The following FHOD3 variants were observed in gnomAD, a reference collection of about 807,000 sequenced individuals.
FHOD3 encodes the protein FH1/FH2 domain-containing protein 3.
In FHOD3, 90 loss-of-function variants were observed where a neutral mutation model predicts 173.0. That is an observed-to-expected ratio of 0.52 (90% CI 0.44 to 0.62). FHOD3 has a LOEUF of 0.62. FHOD3 is among the 20% of genes least tolerant of loss of function. The probability of loss-of-function intolerance (pLI) is 0.00; values close to 1 mark genes in which losing one functional copy is unlikely to be tolerated. For missense variants in FHOD3, 1,945 were observed against 2,034.7 expected, an observed-to-expected ratio of 0.96 and a Z score of 0.85; for synonymous variants, 828 against 823.0, an observed-to-expected ratio of 1.01 and a Z score of -0.10.
In FHOD3 at chr18:36,598,840, C is replaced by T. The variant is rs564699458; in HGVS notation, c.719-3834C>T. 4.6e-5 allele frequency among the ~76,000 whole-genome samples: 7 copies of T among 152,316 alleles called. No homozygotes were observed. The South Asian group carries it at 1.2e-3, about 27-fold the overall frequency. Reference sequence around the variant, plus strand: ...CTGGGATTACAGGCGTGAGCCACCGCGCCTGGCCAAAGAAGGAAAATTTAA... The same window carrying T: ...CTGGGATTACAGGCGTGAGCCACCGTGCCTGGCCAAAGAAGGAAAATTTAA... On this transcript the variant is annotated intron_variant, in intron 7 of 28. Transcript: ENST00000590592.
intron 27 of FHOD3, among the ~76,000 whole-genome samples, chr18:36,764,664 T>C (rs750396805): frequency 2.0e-5 from 3 of 152,126 alleles, no homozygotes; most frequent in Non-Finnish European, 4.4e-5. Context: ...CGAGAAAAGA[T>C]GTTGGTGGGT....
chr18:36,671,192 T>A (rs374990434), intron 14 of FHOD3, among the ~76,000 whole-genome samples: 1 of 152,252 alleles, frequency 6.6e-6, no homozygotes, highest in African/African-American at 2.4e-5. Flanking sequence ...TATGTTACCC[T>A]GCCAGTGTTA....
chr18:36,422,807 C>G (rs1337203452), intron 3 of FHOD3, among the ~76,000 whole-genome samples: 1 of 152,220 alleles, frequency 6.6e-6, no homozygotes, highest in African/African-American at 2.4e-5. Flanking sequence ...TTAATTTAAG[C>G]ATTGACTGAA....
chr18:36,646,229 A>G (rs1372760551), intron 10 of FHOD3, among the ~76,000 whole-genome samples: 2 of 151,446 alleles, frequency 1.3e-5, no homozygotes, highest in Non-Finnish European at 2.9e-5. Context: ...AATTTACAAA[A>G]AGTTTATTTC....
chr18:36,581,377 C>T (rs563248123), intron 6 of FHOD3, among the ~76,000 whole-genome samples: 130 of 152,280 alleles, frequency 8.5e-4, no homozygotes, highest in African/African-American at 2.9e-3. Flanking sequence ...CTCTTTTGGC[C>T]CAAGGGGAAG....
intron 5 of FHOD3, among the ~76,000 whole-genome samples, chr18:36,562,762 T>C (rs1328452903): frequency 6.6e-6 from 1 of 152,210 alleles, no homozygotes; most frequent in East Asian, 1.9e-4. Context: ...TAGTTTGGTT[T>C]AGCATTGAGC....
intron 4 of FHOD3, among the ~76,000 whole-genome samples, chr18:36,508,646 C>CAAA (rs56780791): frequency 4.5e-4 from 49 of 109,080 alleles, no homozygotes; most frequent in South Asian, 4.1e-3. Context: ...AATGGATTGA[C>CAAA]AAAAAAAAAA....
At chr18:36,429,429 C>G (rs531643585) in intron 3 of FHOD3, among the ~76,000 whole-genome samples, 2 of 152,100 alleles carry the variant, frequency 1.3e-5, no homozygotes, top group Non-Finnish European at 2.9e-5. Flanking sequence ...GCTCCAGGTA[C>G]GGGTGGGGGC....
chr18:36,681,657 A>G, intron 15 of FHOD3, 87 bp downstream of exon 15: 4 of 1,396,226 alleles, frequency 2.9e-6, no homozygotes, highest in Non-Finnish European at 3.9e-6. Flanking sequence ...TAATATTGGC[A>G]TTAAAGGAAG....
At chr18:36,693,880 A>C (rs2039106610) in intron 17 of FHOD3, among the ~76,000 whole-genome samples, 1 of 152,216 alleles carries the variant, frequency 6.6e-6, no homozygotes, top group Non-Finnish European at 1.5e-5. Flanking sequence ...GTGAAAATAG[A>C]AGGTAAATAT....
intron 3 of FHOD3, among the ~76,000 whole-genome samples, chr18:36,436,858 G>A (rs1397009614): frequency 6.6e-6 from 1 of 151,998 alleles, no homozygotes; most frequent in Non-Finnish European, 1.5e-5. Context: ...TTCTGAGCTT[G>A]CCAAAATTAT....
At chr18:36,473,631 A>G (rs182929663) in intron 3 of FHOD3, among the ~76,000 whole-genome samples, 1 of 152,206 alleles carries the variant, frequency 6.6e-6, no homozygotes, top group African/African-American at 2.4e-5. Flanking sequence ...GCATTTTTCT[A>G]TAAAATATTA....
chr18:36,433,674 G>A (rs1219026390), intron 3 of FHOD3, among the ~76,000 whole-genome samples: 4 of 152,220 alleles, frequency 2.6e-5, no homozygotes, highest in Admixed American at 6.5e-5. Flanking sequence ...TAATACTGTC[G>A]CAGTATCTAA....
At chr18:36,553,946 C>G (rs568929447) in intron 5 of FHOD3, among the ~76,000 whole-genome samples, 4 of 152,164 alleles carry the variant, frequency 2.6e-5, no homozygotes, top group Non-Finnish European at 5.9e-5. Flanking sequence ...GATACCATCT[C>G]ACACCAGTTA....
At chr18:36,303,896 T>C (rs1185049916) in intron 1 of FHOD3, among the ~76,000 whole-genome samples, 2 of 152,106 alleles carry the variant, frequency 1.3e-5, no homozygotes, top group African/African-American at 4.8e-5. Flanking sequence ...GGGGACTGTT[T>C]CTGAGCTTTG....
chr18:36,359,608 A>G (rs949083981), intron 2 of FHOD3, among the ~76,000 whole-genome samples: 1 of 152,148 alleles, frequency 6.6e-6, no homozygotes, highest in African/African-American at 2.4e-5. Context: ...TAAGGAAAAT[A>G]TGGCCCAATC....
At chr18:36,646,966 G>A (rs2035729243) in intron 10 of FHOD3, among the ~76,000 whole-genome samples, 1 of 152,250 alleles carries the variant, frequency 6.6e-6, no homozygotes, top group East Asian at 1.9e-4. Flanking sequence ...GCCGGGTGCG[G>A]TGGCTCATGC....
At chr18:36,396,355 C>G (rs976408896) in intron 3 of FHOD3, among the ~76,000 whole-genome samples, 2 of 152,068 alleles carry the variant, frequency 1.3e-5, no homozygotes, top group African/African-American at 4.8e-5. Context: ...TTCAGGGACC[C>G]CTGTTAGGTG....
At chr18:36,302,429 A>G (rs1301623082) in intron 1 of FHOD3, among the ~76,000 whole-genome samples, 1 of 152,038 alleles carries the variant, frequency 6.6e-6, no homozygotes, top group East Asian at 1.9e-4. Context: ...CACATGCTTC[A>G]CCAAGATGGC....
Sources: gnomAD v4.1 joint callset for allele counts (sites outside exome capture counted in the v4.1 genomes callset) on GRCh38, gnomAD v4.1.1 for gene constraint, MANE v1.5 for transcripts, NCBI Gene and HGNC (gene_info 2026-07-23, HGNC 2026-07-21) for gene names.